SLC7A2: variants seen among roughly 807,000 people sequenced by gnomAD.
The protein encoded by SLC7A2 is cationic amino acid transporter 2.
In SLC7A2, 48 loss-of-function variants were observed where a neutral mutation model predicts 58.9. The ratio of observed to expected loss-of-function variants is 0.82; its 90% CI spans 0.65 to 1.04. SLC7A2 has a LOEUF of 1.04. SLC7A2 is among the 50% of genes least tolerant of loss of function. The pLI is 0.00. For synonymous variants in SLC7A2, 363 were observed against 314.5 expected (o/e 1.15, Z -1.63); for missense variants, 1,029 against 818.8 (o/e 1.26, Z -3.13).
intron 2 of SLC7A2, among the ~76,000 whole-genome samples, chr8:17,531,317 A>G (rs533533663): frequency 1.3e-5 from 2 of 152,358 alleles, no homozygotes; most frequent in Admixed American, 6.5e-5. Flanking sequence ...CAAGGCCACT[A>G]TAAAGGTTTT....
At chr8:17,550,861 T>C (rs147955485) in intron 6 of SLC7A2, among the ~76,000 whole-genome samples, 2 of 152,214 alleles carry the variant, frequency 1.3e-5, no homozygotes, top group Non-Finnish European at 1.5e-5. Flanking sequence ...TTCTATGTTA[T>C]CTTATACAAC....
At chr8:17,548,010 A>G (rs1226497071) in intron 4 of SLC7A2, among the ~76,000 whole-genome samples, 2 of 152,196 alleles carry the variant, frequency 1.3e-5, no homozygotes, top group Non-Finnish European at 2.9e-5. Flanking sequence ...TTTTGTGTGC[A>G]TGGCAGACAA....
chr8:17,520,226 CAT>C (rs1215931618), intron 2 of SLC7A2, among the ~76,000 whole-genome samples: 20 of 152,192 alleles, frequency 1.3e-4, no homozygotes, highest in African/African-American at 4.8e-4. Context: ...TTTATTGTGA[CAT>C]ATGTTCCAAC....
intron 2 of SLC7A2, among the ~76,000 whole-genome samples, chr8:17,512,728 A>G (rs1304892935): frequency 6.6e-6 from 1 of 152,182 alleles, no homozygotes; most frequent in Non-Finnish European, 1.5e-5. Flanking sequence ...GTTGTACAAC[A>G]GATTTCTAGA....
Position 17,539,046 on chromosome 8 carries a change from G to A in SLC7A2, c.-22-4272G>A, listed in dbSNP as rs558087783. On this transcript the variant is annotated intron_variant, in intron 2 of 12. Transcript: ENST00000494857. ...TGACTCAATGCAACTTCAAACTTTT[G>A]AACTAAAGTGAAAATCCAGGATCAA... is the stretch of plus-strand genomic sequence containing the variant. The A allele has an allele frequency of 1.7e-4, 129 of 772,262 alleles. 1 individual carries two copies. In the South Asian group the frequency reaches 1.7e-3, roughly 10 times the overall value. 47.8% of individuals were successfully genotyped at this position (772,262 alleles called of 1,614,324 possible).
intron 1 of SLC7A2, among the ~76,000 whole-genome samples, chr8:17,500,879 G>A (rs566507296): frequency 1.3e-5 from 2 of 151,726 alleles, no homozygotes; most frequent in South Asian, 4.2e-4. Flanking sequence ...TTTCCATCAG[G>A]CTTCAATTAG....
At position 17,548,802 on chromosome 8, in the gene SLC7A2, G is replaced by A; in HGVS notation, c.657G>A (p.Lys219=). ...GFVKGNVANW[K]ISEEFLKNIS... ...TGAAAGGAAATGTGGCAAACTGGAAGATTAGTGAAGAGTTTCTCAAAAATA... is the reference window on the plus strand; with the variant it reads ...TGAAAGGAAATGTGGCAAACTGGAAAATTAGTGAAGAGTTTCTCAAAAATA... The change falls in exon 5 of 13, where the codon AAG becomes AAA. Residue 219 remains lysine, a synonymous_variant. Transcript: ENST00000494857. The A allele has an allele frequency of 1.2e-6, 2 of 1,613,326 alleles. No homozygotes were observed. Among genetic ancestry groups the A allele is most frequent in the Non-Finnish European group, 1.7e-6 (2 of 1,179,848 alleles).
In SLC7A2 at chr8:17,565,345, T is replaced by G. The variant is rs1585279571; in HGVS notation, c.*199T>G. Reference sequence around the variant, plus strand: ...CGGGGAAACCTCCTGAGTGGAAGTTTCATTCATCAGTGATGAATAGCCCCC... The same window carrying G: ...CGGGGAAACCTCCTGAGTGGAAGTTGCATTCATCAGTGATGAATAGCCCCC... On this transcript the variant is annotated 3_prime_UTR_variant, in exon 13 of 13. Coordinates refer to ENST00000494857, the MANE Select transcript of SLC7A2 (RefSeq NM_001370338.1). 7.2e-6 allele frequency: 4 copies of G among 556,708 alleles called. No individual in the cohort carries two copies. The East Asian group carries it at 1.2e-4, about 17-fold the overall frequency. The allele number at this position is 556,708 out of a possible 1,614,324, so 34.5% of individuals were successfully genotyped here.
intron 8 of SLC7A2, chr8:17,555,038 G>A (rs751352399): frequency 6.2e-7 from 1 of 1,613,870 alleles, no homozygotes; most frequent in East Asian, 2.2e-5. Context: ...GTGAGTAAGA[G>A]GCAGTCACCA....
intron 2 of SLC7A2, among the ~76,000 whole-genome samples, chr8:17,523,371 A>G (rs1269021506): frequency 6.6e-6 from 1 of 152,220 alleles, no homozygotes; most frequent in African/African-American, 2.4e-5. Context: ...ACTATACCAT[A>G]AGGCCATAGT....
intron 5 of SLC7A2, among the ~76,000 whole-genome samples, chr8:17,549,417 C>A (rs1325584413): frequency 1.3e-5 from 2 of 152,232 alleles, no homozygotes; most frequent in Non-Finnish European, 1.5e-5. Context: ...CTGTGTGAAC[C>A]CATGCAGCTG....
At chr8:17,548,904 G>C in intron 5 of SLC7A2, 61 bp downstream of exon 5, 1 of 1,378,690 alleles carries the variant, frequency 7.3e-7, no homozygotes, top group East Asian at 2.3e-5. Flanking sequence ...TTAAGTGGGT[G>C]TATTAGTTCA....
chr8:17,519,967 C>A (rs1352913588), intron 2 of SLC7A2, among the ~76,000 whole-genome samples: 2 of 152,146 alleles, frequency 1.3e-5, no homozygotes, highest in East Asian at 3.9e-4. Flanking sequence ...ATTGAAACAT[C>A]TTATTCCCCA....
intron 4 of SLC7A2, among the ~76,000 whole-genome samples, chr8:17,546,486 A>G (rs753478995): frequency 1.3e-5 from 2 of 152,216 alleles, no homozygotes; most frequent in African/African-American, 2.4e-5. Context: ...TGAGATATTC[A>G]TTGGTGTCTA....
chr8:17,564,936 T>TTTTTTC lies in SLC7A2; in HGVS notation c.1781-14_1781-13insTTTTTC. On this transcript the variant is annotated splice_polypyrimidine_tract_variant and intron_variant, in intron 12 of 12. Coordinates refer to ENST00000494857, the MANE Select transcript of SLC7A2 (RefSeq NM_001370338.1). ...TACCTGAAACATTGATTTTTTTTTT[T>TTTTTTC]CCTGCCCCAACAGGCTTCCTGATTT... The TTTTTTC allele has an allele frequency of 6.4e-7, 1 of 1,553,236 alleles. No homozygotes were observed. Among genetic ancestry groups the TTTTTTC allele is most frequent in the Admixed American group, 2.2e-5 (1 of 46,044 alleles).
chr8:17,533,824 G>T (rs74809253), intron 2 of SLC7A2, among the ~76,000 whole-genome samples: 2 of 152,026 alleles, frequency 1.3e-5, no homozygotes, highest in African/African-American at 4.8e-5. Flanking sequence ...AGGTAAACTC[G>T]TGCCATGGTG....
chr8:17,537,975 G>A (rs559617270), intron 2 of SLC7A2, among the ~76,000 whole-genome samples: 20 of 152,256 alleles, frequency 1.3e-4, no homozygotes, highest in African/African-American at 4.6e-4. Flanking sequence ...AACTAGGTAT[G>A]CCTTATTCCC....
intron 2 of SLC7A2, among the ~76,000 whole-genome samples, chr8:17,526,965 A>C (rs1223198729): frequency 6.6e-6 from 1 of 152,166 alleles, no homozygotes; most frequent in Non-Finnish European, 1.5e-5. Context: ...TTGCATGATA[A>C]TACCAGAGTG....
intron 2 of SLC7A2, among the ~76,000 whole-genome samples, chr8:17,522,144 A>G (rs567352719): frequency 1.3e-5 from 2 of 152,286 alleles, no homozygotes; most frequent in Admixed American, 1.3e-4. Flanking sequence ...ACAGTTCCAC[A>G]TGGCTGGGGT....
Sources: allele counts gnomAD v4.1 joint callset (sites outside exome capture counted in the v4.1 genomes callset), GRCh38; gene constraint gnomAD v4.1.1; transcripts MANE v1.5; gene names NCBI Gene and HGNC (gene_info 2026-07-23, HGNC 2026-07-21).